Variants in CSMD1 observed in about 807,000 individuals in gnomAD.
The protein encoded by CSMD1 is CUB and Sushi multiple domains 1.
In CSMD1, 213 loss-of-function variants were observed where a neutral mutation model predicts 417.5. The observed-to-expected ratio is 0.51, with a 90% CI of 0.46 to 0.57. The LOEUF is 0.57. CSMD1 is among the 20% of genes least tolerant of loss of function. CSMD1 has a pLI of 0.00. For synonymous variants in CSMD1, 2,862 were observed against 1,736.8 expected, an observed-to-expected ratio of 1.65 and a Z score of -16.11; for missense variants, 6,923 against 4,529.7, an observed-to-expected ratio of 1.53 and a Z score of -15.17.
intron 10 of CSMD1, among the ~76,000 whole-genome samples, chr8:3,556,343 GATTTT>G (rs1799140336): frequency 7.1e-6 from 1 of 140,486 alleles, no homozygotes; most frequent in Non-Finnish European, 1.5e-5. Context: ...GAGTTCAATT[GATTTT>G]ATTAGCTATC....
intron 5 of CSMD1, among the ~76,000 whole-genome samples, chr8:3,872,127 C>G (rs747060552): frequency 6.6e-6 from 1 of 152,124 alleles, no homozygotes; most frequent in Non-Finnish European, 1.5e-5. Flanking sequence ...CTTATTTGTT[C>G]TTTTTCTCAT....
At chr8:4,709,851 G>A (rs1016943878) in intron 1 of CSMD1, among the ~76,000 whole-genome samples, 3 of 152,160 alleles carry the variant, frequency 2.0e-5, no homozygotes, top group African/African-American at 2.4e-5. Context: ...AAATACACAT[G>A]AAATCAACGG....
chr8:3,216,571 G>C (rs193126711), intron 29 of CSMD1, among the ~76,000 whole-genome samples: 1 of 152,058 alleles, frequency 6.6e-6, no homozygotes, highest in Non-Finnish European at 1.5e-5. Flanking sequence ...ATTTCTGATG[G>C]CAGGATTTTT....
chr8:3,817,593 G>C (rs142554488), intron 5 of CSMD1, among the ~76,000 whole-genome samples: 3 of 151,914 alleles, frequency 2.0e-5, no homozygotes, highest in Non-Finnish European at 2.9e-5. Flanking sequence ...TCTTTATTTA[G>C]AGTCACAGAA....
chr8:3,764,805 G>A (rs1243616601), intron 5 of CSMD1, among the ~76,000 whole-genome samples: 1 of 149,712 alleles, frequency 6.7e-6, no homozygotes, highest in African/African-American at 2.5e-5. Flanking sequence ...GGAGTGCAGG[G>A]GCACCATCTT....
intron 5 of CSMD1, among the ~76,000 whole-genome samples, chr8:3,887,981 G>C (rs923277211): frequency 3.3e-5 from 5 of 152,146 alleles, no homozygotes; most frequent in Non-Finnish European, 5.9e-5. Flanking sequence ...AGCTTGTCAG[G>C]ATTCTTATCT....
At chr8:4,858,262 T>G (rs1040128797) in intron 1 of CSMD1, among the ~76,000 whole-genome samples, 20 of 151,358 alleles carry the variant, frequency 1.3e-4, no homozygotes, top group Non-Finnish European at 2.1e-4. Context: ...ATGGGACGTA[T>G]TTCAAAATAA....
chr8:4,489,972 T>A (rs142088652), intron 2 of CSMD1, among the ~76,000 whole-genome samples: 66 of 152,028 alleles, frequency 4.3e-4, no homozygotes, highest in African/African-American at 1.4e-3. Context: ...AGGAAGTGAA[T>A]GCCAATTGCC....
intron 1 of CSMD1, among the ~76,000 whole-genome samples, chr8:4,743,977 T>C (rs1303470395): frequency 6.6e-6 from 1 of 152,226 alleles, no homozygotes; most frequent in South Asian, 2.1e-4. Context: ...TGACGGACTC[T>C]AAAACAAACG....
intron 8 of CSMD1, 96 bp downstream of exon 8, chr8:3,616,614 C>T (rs1802151248): frequency 3.9e-6 from 3 of 771,108 alleles, no homozygotes; most frequent in Admixed American, 2.3e-5. Flanking sequence ...TTTATCTTTA[C>T]CTCAAAAGAA....
intron 3 of CSMD1, among the ~76,000 whole-genome samples, chr8:4,365,233 C>T (rs1197053921): frequency 6.6e-6 from 1 of 152,114 alleles, no homozygotes; most frequent in Non-Finnish European, 1.5e-5. Flanking sequence ...TTTGTTAATG[C>T]TTAAGTAGTT....
At chr8:3,556,013 G>T (rs1040175899) in intron 10 of CSMD1, among the ~76,000 whole-genome samples, 2 of 152,028 alleles carry the variant, frequency 1.3e-5, no homozygotes, top group African/African-American at 4.8e-5. Context: ...TTCAAGGACA[G>T]AACAAATAGA....
intron 10 of CSMD1, among the ~76,000 whole-genome samples, chr8:3,499,248 T>C (rs900067001): frequency 6.6e-6 from 1 of 152,222 alleles, no homozygotes; most frequent in Non-Finnish European, 1.5e-5. Flanking sequence ...TGATATTTAT[T>C]TGGTTGTAAT....
At chr8:3,984,768 CGT>C (rs370317456) in intron 5 of CSMD1, among the ~76,000 whole-genome samples, 1,204 of 78,276 alleles carry the variant, frequency 0.015, 46 homozygotes, top group African/African-American at 0.049. Flanking sequence ...TGTATTTGTG[CGT>C]GTGTGTGTGT....
rs576800698 is a variant in CSMD1 at position 4,386,994 on chromosome 8, G to A, written c.415+32959C>T. Among the ~76,000 whole-genome samples the A allele has an allele frequency of 4.6e-5, 7 of 152,322 alleles. No homozygotes were observed. The East Asian group carries it at 7.7e-4, about 17-fold the overall frequency. ...TATCTATTGTATGAATGAAAGGACAGTAATCGGCTTCATTTGAAAGGGACT... is the reference window on the plus strand; with the variant it reads ...TATCTATTGTATGAATGAAAGGACAATAATCGGCTTCATTTGAAAGGGACT... On this transcript the variant is annotated intron_variant, in intron 3 of 69. Transcript: ENST00000635120.
At chr8:3,315,192 C>T (rs1223893687) in intron 23 of CSMD1, among the ~76,000 whole-genome samples, 1 of 152,110 alleles carries the variant, frequency 6.6e-6, no homozygotes, top group Non-Finnish European at 1.5e-5. Flanking sequence ...CACACCATTT[C>T]CTTCAGTGTA....
At chr8:3,510,406 G>C (rs1009404085) in intron 10 of CSMD1, among the ~76,000 whole-genome samples, 1 of 151,834 alleles carries the variant, frequency 6.6e-6, no homozygotes, top group Non-Finnish European at 1.5e-5. Context: ...TTTGAGCGCA[G>C]GCTCTGTTGC....
chr8:3,739,916 G>C (rs529181651), intron 6 of CSMD1, among the ~76,000 whole-genome samples: 1 of 152,056 alleles, frequency 6.6e-6, no homozygotes, highest in Non-Finnish European at 1.5e-5. Context: ...CAAGCAATGA[G>C]GATATTTTCT....
intron 1 of CSMD1, among the ~76,000 whole-genome samples, chr8:4,907,641 C>T (rs1405188925): frequency 6.6e-6 from 1 of 152,072 alleles, no homozygotes; most frequent in Non-Finnish European, 1.5e-5. Flanking sequence ...CTCACTGCAG[C>T]CTCAATTTTC....
Sources: gnomAD v4.1 joint callset for allele counts (sites outside exome capture counted in the v4.1 genomes callset) on GRCh38, gnomAD v4.1.1 for gene constraint, MANE v1.5 for transcripts, NCBI Gene and HGNC (gene_info 2026-07-23, HGNC 2026-07-21) for gene names.